Variants in PLEKHG7 observed in about 807,000 individuals in gnomAD.
PLEKHG7 encodes pleckstrin homology domain-containing family G member 7.
A neutral mutation model predicts 85.2 loss-of-function variants in PLEKHG7; 77 were observed. The ratio of observed to expected loss-of-function variants is 0.90; its 90% CI spans 0.75 to 1.09. The LOEUF is 1.09. PLEKHG7 is among the 50% of genes least tolerant of loss of function. PLEKHG7 has a pLI of 0.00. For synonymous variants in PLEKHG7, 301 were observed against 302.4 expected (o/e 1.00, Z 0.05); for missense variants, 777 against 804.3 (o/e 0.97, Z 0.41).
In PLEKHG7 at chr12:92,741,592, G is replaced by A. The variant is rs1191998494; in HGVS notation, c.1137G>A (p.Lys379=). The part of the protein sequence containing the change: ...SSLDFISVLT[K]YFRGSLCQSH... ...TGGATTTTATTTCCGTGCTCACAAAGGTAAACTCCTTCTGGGAGACCTCAG... is the reference window on the plus strand; with the variant it reads ...TGGATTTTATTTCCGTGCTCACAAAAGTAAACTCCTTCTGGGAGACCTCAG... The change falls in exon 9 of 17, where the codon AAG becomes AAA. Residue 379 remains lysine, a splice_region_variant and synonymous_variant. Coordinates refer to ENST00000344636, the MANE Select transcript of PLEKHG7 (RefSeq NM_001377329.1). 1.9e-6 allele frequency: 3 copies of A among 1,609,586 alleles called. No individual in the cohort carries two copies. The highest frequency in any genetic ancestry group is 2.2e-5 in the East Asian group (1 of 44,702).
chr12:92,754,155 G>A lies in PLEKHG7; in HGVS notation c.1317G>A (p.Gln439=). The A allele has an allele frequency of 6.2e-7, 1 of 1,614,040 alleles. No homozygotes were observed. The highest frequency in any genetic ancestry group is 8.5e-7 in the Non-Finnish European group (1 of 1,179,942). ...HVPELLVAPL[Q]RLTRYPLLLK... ...CAGAGCTGCTAGTGGCCCCACTACA[G>A]AGGCTCACTCGATATCCGTTGTTGC... The change falls in exon 11 of 17, where the codon CAG becomes CAA. Residue 439 remains glutamine (Q), a synonymous_variant. Coordinates refer to ENST00000344636, the MANE Select transcript of PLEKHG7 (RefSeq NM_001377329.1).
chr12:92,751,261 C>T (rs894620530), intron 10 of PLEKHG7, among the ~76,000 whole-genome samples: 3 of 152,096 alleles, frequency 2.0e-5, no homozygotes, highest in Middle Eastern at 3.2e-3. Flanking sequence ...GAAGAGAAAT[C>T]GGAGGTCCAG....
chr12:92,740,785 T>C, intron 7 of PLEKHG7, 68 bp from the exon 8 acceptor site: 1 of 1,056,000 alleles, frequency 9.5e-7, no homozygotes, highest in Non-Finnish European at 1.4e-6. Flanking sequence ...ATGTTTAAAG[T>C]TCTTGCAAAA....
chr12:92,749,979 T>A (rs1354998651), intron 10 of PLEKHG7, among the ~76,000 whole-genome samples: 3 of 137,530 alleles, frequency 2.2e-5, no homozygotes, highest in African/African-American at 5.5e-5. Flanking sequence ...ATATTTTATT[T>A]TATTTTATTA....
In PLEKHG7 at chr12:92,771,192, A is replaced by C. The variant is rs577358149; in HGVS notation, c.*997A>C. The C allele has an allele frequency of 4.6e-5, 7 of 152,250 alleles. No homozygotes were observed. Among genetic ancestry groups the C allele is most frequent in the Non-Finnish European group, 1.0e-4 (7 of 67,972 alleles). The allele number at this position is 152,250 out of a possible 1,614,324, so 9.4% of individuals were successfully genotyped here. ...TTATTGCATCAAAGGGAAGTCCACA[A>C]ACTTCCATTTCAGAATCGTACCTTT... On this transcript the variant is annotated 3_prime_UTR_variant, in exon 17 of 17. Transcript: ENST00000344636.
At position 92,769,031 on chromosome 12, in the gene PLEKHG7, G is replaced by C; in HGVS notation, c.1919G>C (p.Arg640Pro). ...CTTATACAACACGAAAACAGATATC[G>C]ACAGTGTATAGCAGCATTCTTATTA... ...AFLIQHENRY[R>P]QCIAAFLLQA... Residue 640 changes from arginine to proline, a missense_variant, in exon 16 of 17, where the codon CGA (arginine) becomes CCA (proline). Physicochemically the swap from Arg to Pro is moderately radical, Grantham distance 103 (BLOSUM62 -2). Coordinates refer to ENST00000344636, the MANE Select transcript of PLEKHG7 (RefSeq NM_001377329.1). 6.2e-7 allele frequency: 1 copy of C among 1,604,252 alleles called. No individual in the cohort carries two copies. The highest frequency in any genetic ancestry group is 1.1e-5 in the South Asian group (1 of 90,320).
intron 10 of PLEKHG7, among the ~76,000 whole-genome samples, chr12:92,750,014 TTTATTTTATTTTA>T (rs1185399929): frequency 4.4e-5 from 6 of 137,766 alleles, no homozygotes; most frequent in Admixed American, 7.3e-5. Flanking sequence ...TTTATTTTAT[TTTATTTTATTTTA>T]TTATTTTATT....
At chr12:92,732,519 CCTAATATA>C (rs1454411071) in intron 5 of PLEKHG7, among the ~76,000 whole-genome samples, 4 of 152,162 alleles carry the variant, frequency 2.6e-5, no homozygotes, top group Non-Finnish European at 5.9e-5. Context: ...ACAAAGCAAT[CCTAATATA>C]GTGATGCTTT....
intron 3 of PLEKHG7, among the ~76,000 whole-genome samples, chr12:92,725,997 C>T (rs945459551): frequency 1.3e-5 from 2 of 152,148 alleles, no homozygotes; most frequent in Non-Finnish European, 2.9e-5. Context: ...ATTAATTCCA[C>T]AGGATATGCT....
intron 10 of PLEKHG7, among the ~76,000 whole-genome samples, chr12:92,748,182 ATG>A (rs1045340433): frequency 2.0e-5 from 3 of 152,068 alleles, no homozygotes; most frequent in Admixed American, 6.5e-5. Flanking sequence ...ATGAATAAAA[ATG>A]TGTGTGACAT....
chr12:92,726,965 C>A (rs1340682582), intron 3 of PLEKHG7, among the ~76,000 whole-genome samples: 1 of 152,200 alleles, frequency 6.6e-6, no homozygotes, highest in Non-Finnish European at 1.5e-5. Flanking sequence ...TTTGCAAAGA[C>A]TTCTGTGTTT....
intron 3 of PLEKHG7, among the ~76,000 whole-genome samples, chr12:92,723,251 T>C (rs1871695652): frequency 6.6e-6 from 1 of 152,224 alleles, no homozygotes; most frequent in African/African-American, 2.4e-5. Flanking sequence ...TTGTTCCATT[T>C]ACTTAACAAA....
intron 5 of PLEKHG7, among the ~76,000 whole-genome samples, chr12:92,733,638 C>T (rs1872056196): frequency 6.6e-6 from 1 of 152,140 alleles, no homozygotes; most frequent in South Asian, 2.1e-4. Context: ...GAGCTGGTCA[C>T]CAATCACATC....
In PLEKHG7 at chr12:92,707,132, T is replaced by G; in HGVS notation, c.501T>G (p.Ser167Arg). The part of the protein sequence containing the change: ...FLPSPTLRHP[S>R]PQGEELHPSR... ...CCAGCCCCACCCTACGACACCCTAG[T>G]CCTCAGGTAACACAGCTCTAAGCCT... The change falls in exon 2 of 17, where the codon AGT becomes AGG. Residue 167 changes from serine to arginine, a missense_variant. Ser to Arg is a moderately radical substitution (Grantham distance 110, BLOSUM62 -1). Around this residue, in one of 3 missense-constraint regions of PLEKHG7, gnomAD observed 252 missense variants for 241.9 expected, o/e 1.04. Coordinates refer to ENST00000344636, the MANE Select transcript of PLEKHG7 (RefSeq NM_001377329.1). 6.2e-7 allele frequency: 1 copy of G among 1,612,324 alleles called. No homozygotes were observed. Among genetic ancestry groups the G allele is most frequent in the Non-Finnish European group, 8.5e-7 (1 of 1,179,274 alleles).
intron 11 of PLEKHG7, among the ~76,000 whole-genome samples, 174 bp from the exon 12 acceptor site, chr12:92,755,651 T>C (rs1231002318): frequency 6.6e-6 from 1 of 152,222 alleles, no homozygotes; most frequent in Non-Finnish European, 1.5e-5. Context: ...TGATTCCAAA[T>C]TAGTGAGTTT....
intron 10 of PLEKHG7, among the ~76,000 whole-genome samples, chr12:92,746,210 T>C (rs1872529611): frequency 6.6e-6 from 1 of 152,250 alleles, no homozygotes; most frequent in South Asian, 2.1e-4. Flanking sequence ...TAGTCTGAAC[T>C]GAACCTTTTC....
chr12:92,752,133 G>A (rs529299789), intron 10 of PLEKHG7, among the ~76,000 whole-genome samples: 1 of 152,188 alleles, frequency 6.6e-6, no homozygotes, highest in South Asian at 2.1e-4. Context: ...CTAGGCAAGA[G>A]GCTAGGAGAT....
At chr12:92,722,326 T>C (rs1045820269) in intron 3 of PLEKHG7, among the ~76,000 whole-genome samples, 7 of 152,214 alleles carry the variant, frequency 4.6e-5, no homozygotes, top group African/African-American at 1.7e-4. Context: ...TCTCTTCATG[T>C]TACTGGTGCA....
chr12:92,755,199 G>A (rs891616022), intron 11 of PLEKHG7, among the ~76,000 whole-genome samples: 1 of 152,188 alleles, frequency 6.6e-6, no homozygotes, highest in South Asian at 2.1e-4. Context: ...ATTGTTGAGG[G>A]AAGAGATTTG....
Sources: allele counts gnomAD v4.1 joint callset (sites outside exome capture counted in the v4.1 genomes callset), GRCh38; gene constraint gnomAD v4.1.1; regional missense constraint gnomAD v4.1.1; transcripts MANE v1.5; gene names NCBI Gene and HGNC (gene_info 2026-07-23, HGNC 2026-07-21).